The following MRPL40 variants were observed in gnomAD, a reference collection of about 807,000 sequenced individuals.
MRPL40 encodes the protein large ribosomal subunit protein mL40.
Under a neutral mutation model 24.5 loss-of-function variants are expected in MRPL40, and 18 were observed. That is an observed-to-expected ratio of 0.73 (90% CI 0.51 to 1.09). The LOEUF (loss-of-function observed/expected upper bound fraction) is 1.09. Among genes scored for constraint, MRPL40 ranks in the 50% least tolerant of loss-of-function variants. MRPL40 has a pLI of 0.00. For synonymous variants in MRPL40, 108 were observed against 94.6 expected (o/e 1.14, Z -0.82); for missense variants, 256 against 243.8 (o/e 1.05, Z -0.33).
chr22:19,434,588 T>G, intron 2 of MRPL40, 148 bp from the exon 3 acceptor site: 1 of 608,698 alleles, frequency 1.6e-6, no homozygotes, highest in Non-Finnish European at 2.9e-6. Context: ...TGGGGTGGAG[T>G]ACCTCCTCAC....
chr22:19,432,791 C>CTT, intron 1 of MRPL40, 184 bp downstream of exon 1: 1 of 1,387,960 alleles, frequency 7.2e-7, no homozygotes, highest in Non-Finnish European at 9.3e-7. Flanking sequence ...AGCGGTCCTG[C>CTT]TTAAGTCCTC....
chr22:19,434,692 T>C (rs776003341), intron 2 of MRPL40, 44 bp from the exon 3 acceptor site: 1 of 1,516,444 alleles, frequency 6.6e-7, no homozygotes. Flanking sequence ...AGTAGGTTCA[T>C]GAGACCAAAG....
rs764278215 is a variant in MRPL40 at position 19,433,246 on chromosome 22, A to G, written c.54-19A>G. 1.0e-5 allele frequency: 16 copies of G among 1,564,548 alleles called. No individual in the cohort carries two copies. In the East Asian group the frequency reaches 3.1e-4, roughly 31 times the overall value. On this transcript the variant is annotated intron_variant, in intron 1 of 3. Transcript: ENST00000333130. ...AGCCTGGAGAAGCAGATATTTATAC[A>G]TACTCTTGTATCTTTCAGGCTTCTG... is the stretch of plus-strand genomic sequence containing the variant.
chr22:19,435,876 AC>A lies in MRPL40; in HGVS notation c.536del (p.Thr179AsnfsTer36), dbSNP rs749741606. On this transcript the variant is annotated frameshift_variant, in exon 4 of 4. Transcript: ENST00000333130. LOFTEE classifies it high-confidence loss of function. ...FPFEKEGPHYTPPIPNYQPPE... is the reference protein window; with the variant it reads ...FPFEKEGPHYXPPIPNYQPPE... ...CTTTGAGAAGGAAGGGCCACATTAC[AC>A]ACCACCGATCCCTAACTACCAACCC... is the stretch of plus-strand genomic sequence containing the variant. 1 of 1,614,092 alleles carries A rather than the reference AC, an allele frequency of 6.2e-7. No homozygotes were observed.
At chr22:19,434,656 A>G (rs1461985917) in intron 2 of MRPL40, 80 bp from the exon 3 acceptor site, 27 of 1,215,978 alleles carry the variant, frequency 2.2e-5, no homozygotes, top group Non-Finnish European at 3.0e-5. Flanking sequence ...AGAGGTCAGT[A>G]TGGGGTACTT....
chr22:19,434,883 G>GT lies in MRPL40; in HGVS notation c.285_286insT (p.Asp96Ter). On this transcript the variant is annotated frameshift_variant, in exon 3 of 4. Coordinates refer to ENST00000333130, the MANE Select transcript of MRPL40 (RefSeq NM_003776.4). LOFTEE classifies it high-confidence loss of function. The stretch of plus-strand genomic sequence containing the variant: ...ATTTTATTACCCCTCTAAAGTTCTT[G>GT]GATAAAGCAAGGTAAGGATCCTTCT... 4.4e-6 allele frequency: 7 copies of GT among 1,591,734 alleles called. No homozygotes were observed. In the South Asian group the frequency reaches 8.1e-5, roughly 18 times the overall value.
At chr22:19,434,179 C>G (rs1398188166) in intron 2 of MRPL40, among the ~76,000 whole-genome samples, 1 of 151,630 alleles carries the variant, frequency 6.6e-6, no homozygotes, top group African/African-American at 2.4e-5. Flanking sequence ...GGAACACTTC[C>G]CGATTTTATA....
intron 1 of MRPL40, 165 bp downstream of exon 1, chr22:19,432,772 C>T: frequency 7.2e-7 from 1 of 1,390,128 alleles, no homozygotes; most frequent in South Asian, 1.6e-5. Flanking sequence ...TCTGAGCACC[C>T]TGGCGAGCAG....
Position 19,435,766 on chromosome 22 carries a change from C to T in MRPL40, c.425C>T (p.Ala142Val), listed in dbSNP as rs761723495. 3.1e-6 allele frequency: 5 copies of T among 1,614,028 alleles called. No individual in the cohort carries two copies. Among genetic ancestry groups the T allele is most frequent in the Non-Finnish European group, 4.2e-6 (5 of 1,180,036 alleles). ...ERDTIRAMLE[A>V]QQEALEELQL... ...GACACCATCAGGGCTATGCTAGAAG[C>T]CCAGCAGGAAGCTCTGGAGGAACTG... The change falls in exon 4 of 4, where the codon GCC becomes GTC. Residue 142 changes from alanine to valine, a missense_variant. By Grantham distance (64) the Ala-to-Val change is moderately conservative. Coordinates refer to ENST00000333130, the MANE Select transcript of MRPL40 (RefSeq NM_003776.4).
chr22:19,436,012 C>T lies in MRPL40; in HGVS notation c.*50C>T. Reference sequence around the variant, plus strand: ...TGCTGCCCCTGAGAGTAGGAATGACCAGGGTTCAAGTCTGCTTTCCACAGA... The same window carrying T: ...TGCTGCCCCTGAGAGTAGGAATGACTAGGGTTCAAGTCTGCTTTCCACAGA... On this transcript the variant is annotated 3_prime_UTR_variant, in exon 4 of 4. Coordinates refer to ENST00000333130, the MANE Select transcript of MRPL40 (RefSeq NM_003776.4). 6.8e-7 allele frequency: 1 copy of T among 1,476,162 alleles called. No homozygotes were observed. The highest frequency in any genetic ancestry group is 2.3e-5 in the East Asian group (1 of 43,908). The allele number at this position is 1,476,162 out of a possible 1,614,324, so 91.4% of individuals were successfully genotyped here.
rs2089556868 is a variant in MRPL40 at position 19,432,919 on chromosome 22, G to A, written c.53+312G>A. On this transcript the variant is annotated intron_variant, in intron 1 of 3. Coordinates refer to ENST00000333130, the MANE Select transcript of MRPL40 (RefSeq NM_003776.4). ...AATTTTTTATTTTCCTGTGAAGTGG[G>A]AGAGAATCAGATATTTATTTATTTA... 5 of 1,161,370 alleles carry A rather than the reference G, an allele frequency of 4.3e-6. No homozygotes were observed. The South Asian group carries it at 6.4e-5, about 15-fold the overall frequency. 71.9% of individuals were successfully genotyped at this position (1,161,370 alleles called of 1,614,324 possible).
intron 3 of MRPL40, 63 bp downstream of exon 3, chr22:19,434,957 T>G: frequency 7.2e-7 from 1 of 1,398,478 alleles, no homozygotes; most frequent in Non-Finnish European, 9.8e-7. Flanking sequence ...CTTCAGGTAG[T>G]TGTGTCTGTA....
In MRPL40 at chr22:19,435,912, A is replaced by C; in HGVS notation, c.571A>C (p.Arg191=). ...CCCTAACTACCAACCCCCTGAAGGCAGGTACAATGACATCACCAAGGTGTA... is the reference window on the plus strand; with the variant it reads ...CCCTAACTACCAACCCCCTGAAGGCCGGTACAATGACATCACCAAGGTGTA... ...PIPNYQPPEG[R]YNDITKVYTQ... Residue 191 remains arginine, a synonymous_variant, in exon 4 of 4, where the codon AGG becomes CGG. Coordinates refer to ENST00000333130, the MANE Select transcript of MRPL40 (RefSeq NM_003776.4). 1.2e-6 allele frequency: 2 copies of C among 1,614,190 alleles called. No homozygotes were observed. Among genetic ancestry groups the C allele is most frequent in the Non-Finnish European group, 1.7e-6 (2 of 1,180,012 alleles).
chr22:19,435,638 A>G lies in MRPL40; in HGVS notation c.297A>G (p.Arg99=). 22 of 1,609,276 alleles carry G rather than the reference A, an allele frequency of 1.4e-5. No homozygotes were observed. Among genetic ancestry groups the G allele is most frequent in the Non-Finnish European group, 1.8e-5 (21 of 1,177,252 alleles). The part of the protein sequence containing the change: ...ITPLKFLDKA[R]ERPQVELTFE... ...TTGGTAACCCTTAGCTTCTTTGCAG[A>G]GAGCGGCCTCAGGTGGAGCTCACCT... is the stretch of plus-strand genomic sequence containing the variant. Residue 99 remains arginine, a splice_region_variant and synonymous_variant, in exon 4 of 4, where the codon AGA becomes AGG. Coordinates refer to ENST00000333130, the MANE Select transcript of MRPL40 (RefSeq NM_003776.4).
chr22:19,433,423 T>C, intron 2 of MRPL40, 75 bp downstream of exon 2: 1 of 876,246 alleles, frequency 1.1e-6, no homozygotes. Flanking sequence ...GCAAGAATGC[T>C]GGATGTGTGG....
intron 3 of MRPL40, among the ~76,000 whole-genome samples, chr22:19,435,097 C>A (rs942029710): frequency 5.3e-5 from 8 of 152,140 alleles, no homozygotes; most frequent in Admixed American, 1.3e-4. Context: ...TGGGAAAGAA[C>A]CTAAGACATC....
At position 19,435,792 on chromosome 22, in the gene MRPL40, C is replaced by A. The variant is rs753502933; in HGVS notation, c.451C>A (p.Gln151Lys). 5.6e-6 allele frequency: 9 copies of A among 1,614,192 alleles called. No homozygotes were observed. The highest frequency in any genetic ancestry group is 7.6e-6 in the Non-Finnish European group (9 of 1,180,040). Residue 151 changes from glutamine (Q) to lysine (K), a missense_variant, in exon 4 of 4, where the codon CAA becomes AAA. Transcript: ENST00000333130. ...EAQQEALEEL[Q>K]LESPKLHAEA... ...CCAGCAGGAAGCTCTGGAGGAACTG[C>A]AACTGGAATCCCCGAAGCTCCATGC...
Position 19,433,291 on chromosome 22 carries a change from T to A in MRPL40, c.80T>A (p.Leu27His), listed in dbSNP as rs746580510. 1 of 1,612,962 alleles carries A rather than the reference T, an allele frequency of 6.2e-7. No homozygotes were observed. The highest frequency in any genetic ancestry group is 8.5e-7 in the Non-Finnish European group (1 of 1,179,054). ...SGLLGTWQTQLRETHQRASLL... is the reference protein window; with the variant it reads ...SGLLGTWQTQHRETHQRASLL... ...CTTCTGGGAACTTGGCAGACGCAGC[T>A]TAGAGAGACTCACCAGCGAGCGTCA... Residue 27 changes from leucine to histidine, a missense_variant, in exon 2 of 4, where the codon CTT becomes CAT. By Grantham distance (99) the Leu-to-His change is moderately conservative. Coordinates refer to ENST00000333130, the MANE Select transcript of MRPL40 (RefSeq NM_003776.4).
Position 19,435,915 on chromosome 22 carries a change from T to TTTG in MRPL40, c.574_575insTTG (p.Tyr192delinsPheAsp), listed in dbSNP as rs1166805445. On this transcript the variant is annotated protein_altering_variant, in exon 4 of 4. Coordinates refer to ENST00000333130, the MANE Select transcript of MRPL40 (RefSeq NM_003776.4). ...TAACTACCAACCCCCTGAAGGCAGG[T>TTTG]ACAATGACATCACCAAGGTGTACAC... 3 of 1,614,056 alleles carry TTTG rather than the reference T, an allele frequency of 1.9e-6. No individual in the cohort carries two copies. The Admixed American group carries it at 5.0e-5, about 27-fold the overall frequency.
Sources: allele counts gnomAD v4.1 joint callset (sites outside exome capture counted in the v4.1 genomes callset), GRCh38; gene constraint gnomAD v4.1.1; transcripts MANE v1.5; gene names NCBI Gene and HGNC (gene_info 2026-07-23, HGNC 2026-07-21).